Variants in MIA3 observed in about 807,000 individuals in gnomAD.
MIA3 encodes transport and Golgi organization protein 1 homolog.
In MIA3, 90 loss-of-function variants were observed where a neutral mutation model predicts 192.4. The ratio of observed to expected loss-of-function variants is 0.47; its 90% CI spans 0.39 to 0.56. MIA3 has a LOEUF of 0.56. Ranked by LOEUF, MIA3 falls within the 20% of genes least tolerant of loss-of-function variation. The probability of loss-of-function intolerance (pLI) is 0.00; values close to 1 mark genes in which losing one functional copy is unlikely to be tolerated. For missense variants in MIA3, 2,123 were observed against 2,269.4 expected, an observed-to-expected ratio of 0.94 and a Z score of 1.31; for synonymous variants, 740 against 792.8, an observed-to-expected ratio of 0.93 and a Z score of 1.12.
intron 5 of MIA3, among the ~76,000 whole-genome samples, chr1:222,632,867 A>G (rs1331363714): frequency 6.6e-6 from 1 of 152,220 alleles, no homozygotes; most frequent in East Asian, 1.9e-4. Context: ...AAGGGGTCCA[A>G]GTATGTTTAT....
intron 18 of MIA3, among the ~76,000 whole-genome samples, chr1:222,657,264 T>C (rs1184602682): frequency 6.6e-6 from 1 of 152,240 alleles, no homozygotes; most frequent in African/African-American, 2.4e-5. Context: ...ATACTCCAAG[T>C]GTGCAGCTCT....
At chr1:222,640,711 C>G (rs1571881441) in intron 6 of MIA3, among the ~76,000 whole-genome samples, 1 of 152,106 alleles carries the variant, frequency 6.6e-6, no homozygotes, top group Admixed American at 6.5e-5. Flanking sequence ...AGATTTCTTA[C>G]AGTTGACATC....
chr1:222,644,899 G>A (rs1000759816), intron 6 of MIA3, among the ~76,000 whole-genome samples: 2 of 152,126 alleles, frequency 1.3e-5, no homozygotes, highest in African/African-American at 4.8e-5. Flanking sequence ...TGTGGGATGG[G>A]ACCAGTGTGA....
intron 6 of MIA3, 145 bp downstream of exon 6, chr1:222,633,394 G>C (rs1211823571): frequency 4.3e-6 from 3 of 703,058 alleles, no homozygotes; most frequent in African/African-American, 3.6e-5. Flanking sequence ...TGAGCCACAG[G>C]TGTGTGGCTT....
chr1:222,630,523 A>G (rs557942398), intron 4 of MIA3, 134 bp downstream of exon 4: 3 of 806,904 alleles, frequency 3.7e-6, no homozygotes, highest in East Asian at 2.7e-5. Context: ...GGAGGTCCAC[A>G]TGTTCCTTCC....
chr1:222,633,084 ATCTT>A lies in MIA3; in HGVS notation c.3332-17_3332-14del. The A allele has an allele frequency of 4.4e-6, 7 of 1,574,168 alleles. No individual in the cohort carries two copies. Among genetic ancestry groups the A allele is most frequent in the Non-Finnish European group, 6.0e-6 (7 of 1,164,438 alleles). ...TCTTATTCTAAAGCACAAAATGTCTATCTTTCCTCCCAATTCCAGGGCCAGTTAC... is the reference window on the plus strand; with the variant it reads ...TCTTATTCTAAAGCACAAAATGTCTATCCTCCCAATTCCAGGGCCAGTTAC... On this transcript the variant is annotated splice_polypyrimidine_tract_variant and intron_variant, in intron 5 of 27. Transcript: ENST00000344922.
In MIA3 at chr1:222,629,139, T is replaced by G. The variant is rs751009650; in HGVS notation, c.1919T>G (p.Leu640Trp). The change falls in exon 4 of 28, where the codon TTG (leucine) becomes TGG (tryptophan). Residue 640 changes from leucine (L) to tryptophan (W), a missense_variant. Leu to Trp is a moderately conservative substitution (Grantham distance 61). This residue lies in a region of MIA3 where 1,357 missense variants were observed against 1,396.1 expected (regional missense o/e 0.97). Transcript: ENST00000344922. ...TTCTCCTCTCCAGATGAGATTGATTTGCCCAGAGAACTGGAAGACGAGGTT... is the reference window on the plus strand; with the variant it reads ...TTCTCCTCTCCAGATGAGATTGATTGGCCCAGAGAACTGGAAGACGAGGTT... ...PRFSSPDEID[L>W]PRELEDEVPI... The G allele has an allele frequency of 1.2e-6, 2 of 1,614,198 alleles. No homozygotes were observed. Among genetic ancestry groups the G allele is most frequent in the South Asian group, 2.2e-5 (2 of 91,074 alleles).
At chr1:222,635,271 T>G (rs35983393) in intron 6 of MIA3, among the ~76,000 whole-genome samples, 2,340 of 152,308 alleles carry the variant, frequency 0.015, 61 homozygotes, top group African/African-American at 0.053. Flanking sequence ...ACAGCCCCAG[T>G]TGTAGAAGGA....
chr1:222,656,619 C>G (rs1385372683), intron 18 of MIA3, among the ~76,000 whole-genome samples: 1 of 152,032 alleles, frequency 6.6e-6, no homozygotes, highest in Non-Finnish European at 1.5e-5. Flanking sequence ...TGCATTTATA[C>G]TGCTTGAGGT....
Position 222,635,630 on chromosome 1 carries a change from A to G in MIA3, c.3477+2381A>G, listed in dbSNP as rs191071471. Among the ~76,000 whole-genome samples, 11 of 152,354 alleles carry G rather than the reference A, an allele frequency of 7.2e-5. No individual in the cohort carries two copies. In the East Asian group the frequency reaches 1.9e-3, roughly 27 times the overall value. The stretch of plus-strand genomic sequence containing the variant: ...AGGAAATAGTTTATGCAAAGTATCA[A>G]GTAGTTCATATAGATAATTGTTTCA... On this transcript the variant is annotated intron_variant, in intron 6 of 27. Transcript: ENST00000344922.
chr1:222,658,917 C>T (rs1033138904), intron 19 of MIA3, 94 bp downstream of exon 19: 1 of 733,616 alleles, frequency 1.4e-6, no homozygotes, highest in Non-Finnish European at 2.3e-6. Context: ...GGTTAGAGGA[C>T]ATGAATACAT....
At chr1:222,626,216 T>A (rs1662111183) in intron 3 of MIA3, among the ~76,000 whole-genome samples, 1 of 152,212 alleles carries the variant, frequency 6.6e-6, no homozygotes, top group Admixed American at 6.5e-5. Flanking sequence ...GTCACAGAGC[T>A]ATTGCTATGC....
intron 5 of MIA3, 69 bp from the exon 6 acceptor site, chr1:222,633,035 C>T: frequency 7.0e-7 from 1 of 1,431,498 alleles, no homozygotes; most frequent in Non-Finnish European, 9.5e-7. Flanking sequence ...AGTGGATACT[C>T]AATAAGTATT....
chr1:222,657,191 C>T (rs1226758687), intron 18 of MIA3, among the ~76,000 whole-genome samples: 2 of 152,146 alleles, frequency 1.3e-5, no homozygotes, highest in Non-Finnish European at 2.9e-5. Context: ...TTCCAGTTAG[C>T]AATTAAAATC....
intron 7 of MIA3, chr1:222,647,918 T>C: frequency 2.6e-6 from 1 of 385,250 alleles, no homozygotes; most frequent in South Asian, 1.8e-5. Flanking sequence ...ATGTATACAG[T>C]ATATTAATTA....
rs769572154 is a variant in MIA3, at chr1:222,650,796, A to G, written c.3802A>G (p.Lys1268Glu). 1 of 1,600,288 alleles carries G rather than the reference A, an allele frequency of 6.2e-7. No homozygotes were observed. Among genetic ancestry groups the G allele is most frequent in the African/African-American group, 1.3e-5 (1 of 74,138 alleles). Residue 1268 changes from lysine (K) to glutamate (E), a missense_variant, in exon 11 of 28, where the codon AAA becomes GAA. Transcript: ENST00000344922. ...LSDEAIKYKDKIKTLEKNQEI... is the reference protein window; with the variant it reads ...LSDEAIKYKDEIKTLEKNQEI... Reference sequence around the variant, plus strand: ...AACCTTAATATCTTTTTTGTAGGATAAAATCAAGACACTTGAAAAAAATCA... The same window carrying G: ...AACCTTAATATCTTTTTTGTAGGATGAAATCAAGACACTTGAAAAAAATCA...
Position 222,628,286 on chromosome 1 carries a change from C to G in MIA3, c.1066C>G (p.Gln356Glu). 2 of 1,613,904 alleles carry G rather than the reference C, an allele frequency of 1.2e-6. No homozygotes were observed. Among genetic ancestry groups the G allele is most frequent in the African/African-American group, 1.3e-5 (1 of 75,010 alleles). ...GVEKYPTDKE[Q>E]NSNEEDKVQL... is the part of the protein sequence containing the mutation. ...TGAGAAATATCCAACAGATAAAGAG[C>G]AGAATTCAAATGAAGAGGACAAGGT... The change falls in exon 4 of 28, where the codon CAG (glutamine) becomes GAG (glutamate). Residue 356 changes from glutamine (Q) to glutamate (E), a missense_variant. Transcript: ENST00000344922.
chr1:222,650,934 A>G, intron 11 of MIA3, 31 bp downstream of exon 11: 1 of 1,388,318 alleles, frequency 7.2e-7, no homozygotes, highest in Non-Finnish European at 1.0e-6. Flanking sequence ...TATTACTAAT[A>G]ATTTGGGTTT....
At chr1:222,655,250 A>G (rs1663657498) in intron 18 of MIA3, among the ~76,000 whole-genome samples, 1 of 152,270 alleles carries the variant, frequency 6.6e-6, no homozygotes, top group Admixed American at 6.5e-5. Flanking sequence ...ACAGAGTAAA[A>G]TATTCAAACT....
Sources: gnomAD v4.1 joint callset for allele counts (sites outside exome capture counted in the v4.1 genomes callset) on GRCh38, gnomAD v4.1.1 for gene constraint, gnomAD v4.1.1 regional missense constraint, MANE v1.5 for transcripts, NCBI Gene and HGNC (gene_info 2026-07-23, HGNC 2026-07-21) for gene names.